PCDHGA8: variants seen among roughly 807,000 people sequenced by gnomAD.
PCDHGA8 encodes the protein protocadherin gamma-A8.
PCDHGA8 carries 45 observed loss-of-function variants against 59.2 expected under a neutral mutation model. The observed-to-expected ratio is 0.76, with a 90% CI of 0.60 to 0.98. The LOEUF is 0.98. Among genes scored for constraint, PCDHGA8 ranks in the 50% least tolerant of loss-of-function variants. The pLI, the probability that PCDHGA8 is intolerant of heterozygous loss-of-function variation, is 0.00. For missense variants in PCDHGA8, 1,257 were observed against 1,196.2 expected (o/e 1.05, Z -0.75); for synonymous variants, 531 against 519.0 (o/e 1.02, Z -0.32).
chr5:141,403,388 G>A (rs1376620471), intron 1 of PCDHGA8: 1 of 1,613,904 alleles, frequency 6.2e-7, no homozygotes, highest in African/African-American at 1.3e-5. Context: ...TAACGAAATC[G>A]CGGTTCCTGG....
In PCDHGA8 at chr5:141,490,267, G is replaced by A. The variant is rs765238578; in HGVS notation, c.2425-4540G>A. ...TGTGATTCAAGTGGATGTGGGGGAT[G>A]TCAATGACAATGCCCCAGAGGTGCT... On this transcript the variant is annotated intron_variant, in intron 1 of 3. Transcript: ENST00000398604. The surrounding 1 kb of genome is among the most constrained non-coding windows in gnomAD (Gnocchi z 5.4). The A allele has an allele frequency of 6.2e-7, 1 of 1,614,242 alleles. No homozygotes were observed. The highest frequency in any genetic ancestry group is 1.1e-5 in the South Asian group (1 of 91,084).
intron 1 of PCDHGA8, among the ~76,000 whole-genome samples, chr5:141,446,610 G>A (rs1167777615): frequency 6.6e-6 from 1 of 152,098 alleles, no homozygotes; most frequent in Non-Finnish European, 1.5e-5. Flanking sequence ...CTGAGTAGCT[G>A]GGACTACAGG....
chr5:141,431,828 C>T lies in PCDHGA8; in HGVS notation c.2424+36591C>T. The T allele has an allele frequency of 6.2e-7, 1 of 1,610,208 alleles. No individual in the cohort carries two copies. Among genetic ancestry groups the T allele is most frequent in the Non-Finnish European group, 8.5e-7 (1 of 1,176,374 alleles). On this transcript the variant is annotated intron_variant, in intron 1 of 3. Transcript: ENST00000398604. This position sits in a 1 kb window ranked among gnomAD's most constrained non-coding sequence, Gnocchi z 4.8. Reference sequence around the variant, plus strand: ...CCTCACCTCTCTCGCCAGCTCGGTTCCCGAAAACTCTCCCAGAGGGACATT... The same window carrying T: ...CCTCACCTCTCTCGCCAGCTCGGTTTCCGAAAACTCTCCCAGAGGGACATT...
Position 141,491,307 on chromosome 5 carries a change from C to CCTTA in PCDHGA8, c.2425-3498_2425-3495dup. On this transcript the variant is annotated intron_variant, in intron 1 of 3. Transcript: ENST00000398604. The surrounding 1 kb of genome is among the most constrained non-coding windows in gnomAD (Gnocchi z 6.9). ...TCATACACCCTCCTGAGCGTTCAGA[C>CCTTA]CTTACCCTTTACCTCATTGTGGCTC... 1 of 1,614,152 alleles carries CCTTA rather than the reference C, an allele frequency of 6.2e-7. No individual in the cohort carries two copies. Among genetic ancestry groups the CCTTA allele is most frequent in the Non-Finnish European group, 8.5e-7 (1 of 1,179,986 alleles).
intron 1 of PCDHGA8, among the ~76,000 whole-genome samples, chr5:141,469,207 G>T (rs2099193654): frequency 6.6e-6 from 1 of 151,820 alleles, no homozygotes; most frequent in African/African-American, 2.4e-5. Flanking sequence ...GCCTTTTGAA[G>T]TTGAGGCTTC....
chr5:141,409,357 T>A, intron 1 of PCDHGA8: 2 of 1,613,968 alleles, frequency 1.2e-6, no homozygotes, highest in Non-Finnish European at 1.7e-6. Context: ...TCAGGTGTAA[T>A]ATAGAAACAG....
intron 1 of PCDHGA8, chr5:141,416,112 T>C (rs555358881): frequency 6.4e-6 from 1 of 156,492 alleles, no homozygotes; most frequent in Non-Finnish European, 1.4e-5. Context: ...TTTTTCAAAC[T>C]ACATTTTATA....
chr5:141,426,596 C>T (rs1408090148), intron 1 of PCDHGA8: 9 of 377,102 alleles, frequency 2.4e-5, no homozygotes, highest in Middle Eastern at 3.9e-4. Context: ...GTGTCATACC[C>T]TTAGAGATTG....
At chr5:141,507,432 C>T (rs2099860585) in intron 3 of PCDHGA8, 1 of 152,198 alleles carries the variant, frequency 6.6e-6, no homozygotes. Flanking sequence ...GGGGCCAGGC[C>T]TACAGCTGAC....
intron 1 of PCDHGA8, among the ~76,000 whole-genome samples, chr5:141,455,574 C>T (rs1214642742): frequency 6.6e-6 from 1 of 152,158 alleles, no homozygotes; most frequent in Non-Finnish European, 1.5e-5. Flanking sequence ...CCTCCCACCC[C>T]AGCCTTTTAA....
intron 1 of PCDHGA8, chr5:141,421,126 T>G: frequency 1.2e-6 from 1 of 805,588 alleles, no homozygotes; most frequent in Non-Finnish European, 1.9e-6. Context: ...CTTCGCTTTC[T>G]GATATATTTT....
intron 1 of PCDHGA8, among the ~76,000 whole-genome samples, chr5:141,471,998 A>T (rs938492822): frequency 5.3e-5 from 8 of 152,276 alleles, no homozygotes; most frequent in South Asian, 2.1e-4. Context: ...AAATCCCTGC[A>T]TCGTATAGGG....
At chr5:141,460,981 GTGTATATA>G (rs1342006423) in intron 1 of PCDHGA8, among the ~76,000 whole-genome samples, 30 of 121,890 alleles carry the variant, frequency 2.5e-4, no homozygotes, top group African/African-American at 5.8e-4. Flanking sequence ...GTGTGTGTGT[GTGTATATA>G]TATATATGTG....
chr5:141,433,038 C>A, intron 1 of PCDHGA8: 3 of 1,614,180 alleles, frequency 1.9e-6, no homozygotes, highest in Non-Finnish European at 2.5e-6. Flanking sequence ...GTTTCCCTCA[C>A]CACGGACTCG....
Position 141,405,169 on chromosome 5 carries a change from C to G in PCDHGA8, c.2424+9932C>G, listed in dbSNP as rs377298438. 12 of 1,614,004 alleles carry G rather than the reference C, an allele frequency of 7.4e-6. No homozygotes were observed. The African/African-American group carries it at 1.6e-4, about 22-fold the overall frequency. On this transcript the variant is annotated intron_variant, in intron 1 of 3. Coordinates refer to ENST00000398604, the MANE Select transcript of PCDHGA8 (RefSeq NM_032088.2). ...GGTTGGCTGGTGTGCCCACCTCACA[C>G]TTTGTGGGTGTAGATGGGGTTCGAG...
intron 1 of PCDHGA8, chr5:141,422,289 T>A: frequency 1.3e-6 from 2 of 1,553,678 alleles, no homozygotes; most frequent in Non-Finnish European, 1.7e-6. Context: ...CCTCTTCTAT[T>A]AATTCAATTC....
intron 1 of PCDHGA8, among the ~76,000 whole-genome samples, chr5:141,492,968 C>T: frequency 6.6e-6 from 1 of 152,240 alleles, no homozygotes; most frequent in East Asian, 1.9e-4. Flanking sequence ...GACACTCTAA[C>T]AAGTCCTGTC....
At position 141,404,169 on chromosome 5, in the gene PCDHGA8, C is replaced by A; in HGVS notation, c.2424+8932C>A. On this transcript the variant is annotated intron_variant, in intron 1 of 3. Transcript: ENST00000398604. Reference sequence around the variant, plus strand: ...GAAGAAGATTATTACAGATTGTTGACGGCCCAAATTCTTGACCGAGAAAAA... The same window carrying A: ...GAAGAAGATTATTACAGATTGTTGAAGGCCCAAATTCTTGACCGAGAAAAA... 1 of 1,612,736 alleles carries A rather than the reference C, an allele frequency of 6.2e-7. No individual in the cohort carries two copies. The highest frequency in any genetic ancestry group is 8.5e-7 in the Non-Finnish European group (1 of 1,179,276).
intron 1 of PCDHGA8, among the ~76,000 whole-genome samples, chr5:141,405,709 C>T (rs2094708572): frequency 2.0e-5 from 3 of 152,150 alleles, no homozygotes; most frequent in African/African-American, 7.2e-5. Context: ...AATTCCTAAC[C>T]TCAAGTGATC....
Sources: allele counts gnomAD v4.1 joint callset (sites outside exome capture counted in the v4.1 genomes callset), GRCh38; gene constraint gnomAD v4.1.1; non-coding constraint Gnocchi (gnomAD v3.1); transcripts MANE v1.5; gene names NCBI Gene and HGNC (gene_info 2026-07-23, HGNC 2026-07-21).